C20orf173: variants seen among roughly 807,000 people sequenced by gnomAD.
C20orf173 encodes the protein chromosome 20 open reading frame 173.
In C20orf173, 22 loss-of-function variants were observed where a neutral mutation model predicts 26.7. That is an observed-to-expected ratio of 0.82 (90% confidence interval 0.59 to 1.18). C20orf173 has a LOEUF of 1.18. Among genes scored for constraint, C20orf173 ranks in the 50% most tolerant of loss-of-function variants. C20orf173 has a pLI of 0.00. For synonymous variants in C20orf173, 85 were observed against 96.4 expected, an observed-to-expected ratio of 0.88 and a Z score of 0.69; for missense variants, 210 against 250.3, an observed-to-expected ratio of 0.84 and a Z score of 1.09.
Position 35,529,228 on chromosome 20 carries a change from A to G in C20orf173, c.146T>C (p.Phe49Ser), listed in dbSNP as rs1256066174. The G allele has an allele frequency of 1.3e-5, 20 of 1,551,568 alleles. No homozygotes were observed. The South Asian group carries it at 1.5e-4, about 12-fold the overall frequency. ...AGGGCAGCCACACTTCCCGGAACTGAACCAAGGGCAGTCGCAATGCTGTGG... is the reference window on the plus strand; with the variant it reads ...AGGGCAGCCACACTTCCCGGAACTGGACCAAGGGCAGTCGCAATGCTGTGG... Reference protein sequence around the residue: ...LVPQHCDCPWFSSGKCGCPSE... With the variant: ...LVPQHCDCPWSSSGKCGCPSE... The change falls in exon 2 of 6, where the codon TTC becomes TCC. Residue 49 changes from phenylalanine to serine, a missense_variant. Physicochemically the swap from Phe to Ser is radical, Grantham distance 155 (BLOSUM62 -2). Transcript: ENST00000444723.
chr20:35,522,852 C>T (rs188610760), downstream of C20orf173: 362 of 152,812 alleles, frequency 2.4e-3, 4 homozygotes, highest in African/African-American at 8.4e-3. Flanking sequence ...ACTTGACCCT[C>T]TCGAGTCCCT....
intron 5 of C20orf173, 76 bp downstream of exon 5, chr20:35,528,157 G>T (rs1018835741): frequency 1.6e-6 from 2 of 1,282,902 alleles, no homozygotes; most frequent in African/African-American, 3.0e-5. Context: ...GGGGAGGAAG[G>T]GGGAGGGAAC....
intron 1 of C20orf173, 26 bp downstream of exon 1, chr20:35,529,533 T>C: frequency 1.5e-6 from 1 of 659,196 alleles, no homozygotes; most frequent in Non-Finnish European, 2.6e-6. Flanking sequence ...ACCCCTCCTC[T>C]CCTGCCTCAC....
At position 35,528,897 on chromosome 20, in the gene C20orf173, G is replaced by A. The variant is rs1185730084; in HGVS notation, c.310-18C>T. On this transcript the variant is annotated intron_variant, in intron 2 of 5. Transcript: ENST00000444723. ...TTCATGCCCTGGAAACAGCAAGAGG[G>A]AGATTGGGGGCTGGGCCCAGGGGAG... 6.4e-6 allele frequency: 10 copies of A among 1,551,270 alleles called. No individual in the cohort carries two copies. The highest frequency in any genetic ancestry group is 7.8e-6 in the Non-Finnish European group (9 of 1,146,882).
chr20:35,529,402 G>A lies in C20orf173; in HGVS notation c.-29C>T. 6.6e-7 allele frequency: 1 copy of A among 1,506,828 alleles called. No individual in the cohort carries two copies. The highest frequency in any genetic ancestry group is 8.9e-7 in the Non-Finnish European group (1 of 1,128,048). The allele number at this position is 1,506,828 out of a possible 1,614,324, so 93.3% of individuals were successfully genotyped here. A position where few individuals can be genotyped will look rare whatever the true frequency, so the allele number is the denominator to read the frequency against. The stretch of plus-strand genomic sequence containing the variant: ...TGGCCCAGGCGGTGGCTCCCGTGGT[G>A]GGCCGTAGACTGGCTTCTCTACCTG... On this transcript the variant is annotated 5_prime_UTR_variant, in exon 2 of 6. Transcript: ENST00000444723.
Position 35,529,366 on chromosome 20 carries a change from C to A in C20orf173, c.8G>T (p.Arg3Leu). 1 of 1,538,984 alleles carries A rather than the reference C, an allele frequency of 6.5e-7. No homozygotes were observed. The highest frequency in any genetic ancestry group is 8.8e-7 in the Non-Finnish European group (1 of 1,140,812). ...GACCCACAGGACAAAAATCTGCCAG[C>A]GCTTCATGTCTGGCCCAGGCGGTGG... MK[R>L]WQIFVLWVFW... Residue 3 changes from arginine (R) to leucine (L), a missense_variant, in exon 2 of 6, where the codon CGC becomes CTC. Arg to Leu is a moderately radical substitution (Grantham distance 102). Coordinates refer to ENST00000444723, the MANE Select transcript of C20orf173 (RefSeq NM_001145350.2).
rs1313977659 is a variant in C20orf173 at position 35,528,243 on chromosome 20, C to T, written c.*15G>A. On this transcript the variant is annotated 3_prime_UTR_variant, in exon 5 of 6. Transcript: ENST00000444723. Reference sequence around the variant, plus strand: ...CCTATTCCCCCTCACCGTGTCTTTGCTATCTTCCACTCCACTAGGGAACCA... The same window carrying T: ...CCTATTCCCCCTCACCGTGTCTTTGTTATCTTCCACTCCACTAGGGAACCA... 6.4e-7 allele frequency: 1 copy of T among 1,551,896 alleles called. No homozygotes were observed. The highest frequency in any genetic ancestry group is 8.7e-7 in the Non-Finnish European group (1 of 1,147,030).
chr20:35,526,135 G>A (rs1406213463), downstream of C20orf173, among the ~76,000 whole-genome samples: 1 of 152,170 alleles, frequency 6.6e-6, no homozygotes, highest in Non-Finnish European at 1.5e-5. Flanking sequence ...TGCAAAACAT[G>A]GCCAAAGACT....
At chr20:35,528,196 A>G (rs74435980) in intron 5 of C20orf173, 37 bp downstream of exon 5, 1 of 1,540,324 alleles carries the variant, frequency 6.5e-7, no homozygotes, top group South Asian at 1.2e-5. Flanking sequence ...ACAGCAACCC[A>G]CAGCCACATC....
At position 35,528,437 on chromosome 20, in the gene C20orf173, G is replaced by A; in HGVS notation, c.582+14C>T. ...CACCCCCACACAGAGAATGTCTGGGGACACCTCCATCACCTTATCACTTAG... is the reference window on the plus strand; with the variant it reads ...CACCCCCACACAGAGAATGTCTGGGAACACCTCCATCACCTTATCACTTAG... On this transcript the variant is annotated intron_variant, in intron 4 of 5. Coordinates refer to ENST00000444723, the MANE Select transcript of C20orf173 (RefSeq NM_001145350.2). 2 of 1,551,218 alleles carry A rather than the reference G, an allele frequency of 1.3e-6. No individual in the cohort carries two copies. Among genetic ancestry groups the A allele is most frequent in the Non-Finnish European group, 1.7e-6 (2 of 1,146,570 alleles).
Position 35,529,542 on chromosome 20 carries a change from A to G in C20orf173, c.-52+17T>C. The G allele has an allele frequency of 1.6e-6, 1 of 642,750 alleles. No homozygotes were observed. Among genetic ancestry groups the G allele is most frequent in the Non-Finnish European group, 2.7e-6 (1 of 377,000 alleles). The allele number at this position is 642,750 out of a possible 1,614,324, so 39.8% of individuals were successfully genotyped here. ...CTTCCAACCCCTCCTCTCCTGCCTC[A>G]CTATCCATTTGCTCACCCTCAAAAC... On this transcript the variant is annotated intron_variant, in intron 1 of 5. Transcript: ENST00000444723.
In C20orf173 at chr20:35,528,709, C is replaced by T. The variant is rs2064524818; in HGVS notation, c.480G>A (p.Val160=). Residue 160 remains valine, a synonymous_variant, in exon 3 of 6, where the codon GTG becomes GTA. Coordinates refer to ENST00000444723, the MANE Select transcript of C20orf173 (RefSeq NM_001145350.2). ...SLGNDIDQYP[V]VFRNASDQGS... is the part of the protein sequence containing the mutation. Reference sequence around the variant, plus strand: ...CTCTCCCCAGCACCCACCTGAAAACCACGGGGTATTGGTCGATGTCGTTGC... The same window carrying T: ...CTCTCCCCAGCACCCACCTGAAAACTACGGGGTATTGGTCGATGTCGTTGC... 6.5e-7 allele frequency: 1 copy of T among 1,531,150 alleles called. No homozygotes were observed. The highest frequency in any genetic ancestry group is 2.1e-5 in the Admixed American group (1 of 48,682). 94.8% of individuals were successfully genotyped at this position (1,531,150 alleles called of 1,614,324 possible). A position where few individuals can be genotyped will look rare whatever the true frequency, so the allele number is the denominator to read the frequency against.
chr20:35,524,337 T>TA (rs1328561818), downstream of C20orf173, among the ~76,000 whole-genome samples: 1 of 152,174 alleles, frequency 6.6e-6, no homozygotes, highest in Non-Finnish European at 1.5e-5. Flanking sequence ...GTGTATATCT[T>TA]ACACTTATAG....
chr20:35,524,036 TTTG>T (rs2064489699), downstream of C20orf173, among the ~76,000 whole-genome samples: 10 of 152,066 alleles, frequency 6.6e-5, no homozygotes, highest in Non-Finnish European at 1.0e-4. Context: ...TTTTGTGGTT[TTTG>T]TTTGTTTGTT....
In C20orf173 at chr20:35,529,352, C is replaced by CA; in HGVS notation, c.21dup (p.Val8CysfsTer22). The CA allele has an allele frequency of 6.5e-7, 1 of 1,544,728 alleles. No homozygotes were observed. The highest frequency in any genetic ancestry group is 8.7e-7 in the Non-Finnish European group (1 of 1,143,162). On this transcript the variant is annotated frameshift_variant, in exon 2 of 6. Transcript: ENST00000444723. LOFTEE classifies it high-confidence loss of function. ...ATGAGCACCCAAAAGACCCACAGGA[C>CA]AAAAATCTGCCAGCGCTTCATGTCT...
At chr20:35,525,791 C>T (rs929524829), downstream of C20orf173, among the ~76,000 whole-genome samples, 1 of 152,206 alleles carries the variant, frequency 6.6e-6, no homozygotes, top group African/African-American at 2.4e-5. Flanking sequence ...ACAGGGCTAC[C>T]CCATAGGCAG....
At chr20:35,524,028 T>C (rs1455931737), downstream of C20orf173, among the ~76,000 whole-genome samples, 2 of 152,104 alleles carry the variant, frequency 1.3e-5, no homozygotes, top group African/African-American at 4.8e-5. Flanking sequence ...AACTGTTTTT[T>C]TGTGGTTTTT....
intron 3 of C20orf173, 46 bp downstream of exon 3, chr20:35,528,654 TG>T: frequency 6.5e-7 from 1 of 1,538,216 alleles, no homozygotes; most frequent in Non-Finnish European, 8.8e-7. Flanking sequence ...GATGGAACTG[TG>T]GGGCAGGCCT....
chr20:35,528,237 T>C lies in C20orf173; in HGVS notation c.*21A>G. 1 of 1,551,876 alleles carries C rather than the reference T, an allele frequency of 6.4e-7. No homozygotes were observed. Among genetic ancestry groups the C allele is most frequent in the Non-Finnish European group, 8.7e-7 (1 of 1,146,952 alleles). The stretch of plus-strand genomic sequence containing the variant: ...CCTTTTCCTATTCCCCCTCACCGTG[T>C]CTTTGCTATCTTCCACTCCACTAGG... On this transcript the variant is annotated 3_prime_UTR_variant, in exon 5 of 6. Coordinates refer to ENST00000444723, the MANE Select transcript of C20orf173 (RefSeq NM_001145350.2).
Sources: allele counts gnomAD v4.1 joint callset (sites outside exome capture counted in the v4.1 genomes callset), GRCh38; gene constraint gnomAD v4.1.1; transcripts MANE v1.5; gene names NCBI Gene and HGNC (gene_info 2026-07-23, HGNC 2026-07-21).